RAPGEF2: variants seen among roughly 807,000 people sequenced by gnomAD.
RAPGEF2 encodes PDZ domain containing guanine nucleotide exchange factor (GEF) 1.
A neutral mutation model predicts 186.7 loss-of-function variants in RAPGEF2; 54 were observed. The ratio of observed to expected loss-of-function variants is 0.29; its 90% confidence interval spans 0.23 to 0.36. The LOEUF (loss-of-function observed/expected upper bound fraction) is 0.36. RAPGEF2 is among the 10% of genes least tolerant of loss of function. The pLI, the probability that RAPGEF2 is intolerant of heterozygous loss-of-function variation, is 1.00. For synonymous variants in RAPGEF2, 712 were observed against 705.9 expected, an observed-to-expected ratio of 1.01 and a Z score of -0.14; for missense variants, 1,532 against 2,045.0, an observed-to-expected ratio of 0.75 and a Z score of 4.84.
Position 159,158,250 on chromosome 4 carries a change from C to CAG in RAPGEF2, c.70-28390_70-28389dup, listed in dbSNP as rs149709223. On this transcript the variant is annotated intron_variant, in intron 1 of 29. Transcript: ENST00000691494. ...AGCAATAAATTCCAGGAACTGCATG[C>CAG]AGATCAGTGATCCTTTATCTTTCAT... Among the ~76,000 whole-genome samples the CAG allele has an allele frequency of 4.5e-3, 692 of 152,262 alleles. 3 individuals carry two copies. The highest frequency in any genetic ancestry group is 0.016 in the African/African-American group (651 of 41,540).
chr4:159,166,633 AAG>A (rs1745350087), intron 1 of RAPGEF2, among the ~76,000 whole-genome samples: 2 of 152,108 alleles, frequency 1.3e-5, no homozygotes, highest in South Asian at 4.2e-4. Flanking sequence ...GGGGAGTAAA[AAG>A]AGGTATAGGG....
At chr4:159,187,366 C>T (rs985697456) in intron 2 of RAPGEF2, among the ~76,000 whole-genome samples, 3 of 151,832 alleles carry the variant, frequency 2.0e-5, no homozygotes, top group African/African-American at 7.3e-5. Flanking sequence ...TCTCACTTCT[C>T]ACCAAAAGTA....
intron 25 of RAPGEF2, among the ~76,000 whole-genome samples, chr4:159,347,561 G>A (rs373450270): frequency 6.6e-6 from 1 of 151,878 alleles, no homozygotes; most frequent in South Asian, 2.1e-4. Flanking sequence ...GAGGCGGGCA[G>A]ATCACGAGGT....
intron 1 of RAPGEF2, among the ~76,000 whole-genome samples, chr4:159,182,647 C>T (rs963071236): frequency 2.6e-5 from 4 of 152,094 alleles, no homozygotes; most frequent in African/African-American, 9.7e-5. Flanking sequence ...CTGTCTACCT[C>T]GGCTTCCCAA....
At chr4:159,107,418 G>T (rs904095651) in intron 1 of RAPGEF2, among the ~76,000 whole-genome samples, 2 of 152,144 alleles carry the variant, frequency 1.3e-5, no homozygotes, top group African/African-American at 4.8e-5. Flanking sequence ...TTGAGTTCAG[G>T]CCCTTTGAAA....
chr4:159,129,693 A>G (rs1010894642), intron 1 of RAPGEF2, among the ~76,000 whole-genome samples: 2 of 152,206 alleles, frequency 1.3e-5, no homozygotes, highest in Non-Finnish European at 1.5e-5. Flanking sequence ...GTTGTTGTTA[A>G]TAAAGACTTT....
At chr4:159,295,328 G>A (rs1761804555) in intron 7 of RAPGEF2, among the ~76,000 whole-genome samples, 1 of 152,184 alleles carries the variant, frequency 6.6e-6, no homozygotes, top group Admixed American at 6.5e-5. Flanking sequence ...CAAATGAGTG[G>A]TTGTTGATGG....
At chr4:159,262,292 G>A (rs1274877991) in intron 7 of RAPGEF2, among the ~76,000 whole-genome samples, 22 of 152,126 alleles carry the variant, frequency 1.4e-4, no homozygotes, top group Admixed American at 1.4e-3. Flanking sequence ...ATAATTAACA[G>A]ATCATTGTGC....
chr4:159,330,293 GTGTA>G lies in RAPGEF2; in HGVS notation c.1303-39_1303-36del, dbSNP rs781186359. 121 of 1,016,708 alleles carry G rather than the reference GTGTA, an allele frequency of 1.2e-4. No homozygotes were observed. In the African/African-American group the frequency reaches 1.6e-3, roughly 13 times the overall value. 63.0% of individuals were successfully genotyped at this position (1,016,708 alleles called of 1,614,324 possible). On this transcript the variant is annotated intron_variant, in intron 12 of 29. Transcript: ENST00000691494. The stretch of plus-strand genomic sequence containing the variant: ...TGTGTGTGTGTGTGTGTGTGTGTGT[GTGTA>G]TATATATGTAGTAATTAAACCTTTT...
intron 1 of RAPGEF2, among the ~76,000 whole-genome samples, chr4:159,148,192 C>T (rs1413752692): frequency 6.6e-6 from 1 of 152,034 alleles, no homozygotes; most frequent in Non-Finnish European, 1.5e-5. Flanking sequence ...TAGAGAATCA[C>T]TCATCTGATG....
intron 1 of RAPGEF2, among the ~76,000 whole-genome samples, chr4:159,166,231 T>C (rs1024400678): frequency 1.3e-5 from 2 of 152,060 alleles, no homozygotes; most frequent in African/African-American, 4.8e-5. Context: ...GGAGAATTGC[T>C]TGAACCCAGG....
chr4:159,104,624 G>T (rs1322217724), intron 1 of RAPGEF2, among the ~76,000 whole-genome samples: 1 of 151,558 alleles, frequency 6.6e-6, no homozygotes, highest in Non-Finnish European at 1.5e-5. Context: ...GCCGCCCTCC[G>T]TGGCCTCTGA....
intron 7 of RAPGEF2, among the ~76,000 whole-genome samples, chr4:159,281,679 A>G (rs1759733646): frequency 7.1e-6 from 1 of 140,528 alleles, no homozygotes; most frequent in East Asian, 1.9e-4. Context: ...TTCAAAAAAA[A>G]AAAAAAAAAA....
chr4:159,323,912 T>G (rs1050009241), intron 11 of RAPGEF2, among the ~76,000 whole-genome samples: 1 of 150,968 alleles, frequency 6.6e-6, no homozygotes, highest in Non-Finnish European at 1.5e-5. Context: ...AGGGCTTTTT[T>G]TTTTTTGAGA....
chr4:159,326,254 C>G (rs1765907459), intron 11 of RAPGEF2, among the ~76,000 whole-genome samples: 1 of 152,150 alleles, frequency 6.6e-6, no homozygotes, highest in Admixed American at 6.5e-5. Context: ...CAAATGTTAG[C>G]TCATCTCCTT....
chr4:159,358,241 A>T lies in RAPGEF2; in HGVS notation c.*102A>T. ...GGAACTCACATTCTGAGGACGGTGG[A>T]CCAGTTTGCCTCCTTCCCTGCCTTA... On this transcript the variant is annotated 3_prime_UTR_variant, in exon 30 of 30. Coordinates refer to ENST00000691494, the MANE Select transcript of RAPGEF2 (RefSeq NM_001394067.2). 7.9e-7 allele frequency: 1 copy of T among 1,260,374 alleles called. No individual in the cohort carries two copies. The highest frequency in any genetic ancestry group is 1.5e-5 in the African/African-American group (1 of 66,842). The allele number at this position is 1,260,374 out of a possible 1,614,324, so 78.1% of individuals were successfully genotyped here. A position where few individuals can be genotyped will look rare whatever the true frequency, so the allele number is the denominator to read the frequency against.
At chr4:159,137,773 A>G (rs1741884951) in intron 1 of RAPGEF2, among the ~76,000 whole-genome samples, 1 of 152,008 alleles carries the variant, frequency 6.6e-6, no homozygotes, top group South Asian at 2.1e-4. Flanking sequence ...AATTTCTGAA[A>G]TGCTTACATG....
intron 7 of RAPGEF2, among the ~76,000 whole-genome samples, chr4:159,272,200 A>AC (rs1375499286): frequency 6.6e-6 from 1 of 152,200 alleles, no homozygotes; most frequent in African/African-American, 2.4e-5. Flanking sequence ...CATACAGGCC[A>AC]CGATTCATTT....
rs1737498932 is a variant in RAPGEF2 at position 159,104,081 on chromosome 4, C to A, written c.-82C>A. ...CGGGCGGGCGGGCGGGCGCAGCGCG[C>A]AGGGCGGAGGCAGCAGCGGCGCTGG... On this transcript the variant is annotated 5_prime_UTR_variant, in exon 1 of 30. Coordinates refer to ENST00000691494, the MANE Select transcript of RAPGEF2 (RefSeq NM_001394067.2). 1 of 853,422 alleles carries A rather than the reference C, an allele frequency of 1.2e-6. No homozygotes were observed. Among genetic ancestry groups the A allele is most frequent in the Non-Finnish European group, 1.5e-6 (1 of 663,190 alleles). The allele number at this position is 853,422 out of a possible 1,614,324, so 52.9% of individuals were successfully genotyped here.
Sources: allele counts gnomAD v4.1 joint callset (sites outside exome capture counted in the v4.1 genomes callset), GRCh38; gene constraint gnomAD v4.1.1; transcripts MANE v1.5; gene names NCBI Gene and HGNC (gene_info 2026-07-23, HGNC 2026-07-21).